FRMD4A: variants seen among roughly 807,000 people sequenced by gnomAD.
FRMD4A encodes the protein FERM domain-containing protein 4A.
FRMD4A carries 29 observed loss-of-function variants against 129.1 expected under a neutral mutation model. The ratio of observed to expected loss-of-function variants is 0.22; its 90% CI spans 0.17 to 0.31. The LOEUF (loss-of-function observed/expected upper bound fraction) is 0.31, where lower values mean the gene tolerates loss of function less well. Among genes scored for constraint, FRMD4A ranks in the 10% least tolerant of loss-of-function variants. The pLI is 1.00. For missense variants in FRMD4A, 1,272 were observed against 1,375.8 expected, an observed-to-expected ratio of 0.92 and a Z score of 1.19; for synonymous variants, 634 against 571.6, an observed-to-expected ratio of 1.11 and a Z score of -1.56.
intron 2 of FRMD4A, among the ~76,000 whole-genome samples, chr10:14,132,460 A>G (rs1051926425): frequency 1.3e-5 from 2 of 152,202 alleles, no homozygotes; most frequent in African/African-American, 2.4e-5. Flanking sequence ...CTGGGAGCAG[A>G]CAGCAAGCTG....
At chr10:14,264,411 A>G (rs12242691) in intron 2 of FRMD4A, among the ~76,000 whole-genome samples, 2,318 of 152,316 alleles carry the variant, frequency 0.015, 52 homozygotes, top group South Asian at 0.051. Flanking sequence ...AAAAACAACA[A>G]CAACAACAAA....
chr10:14,297,034 G>C (rs746357179), intron 2 of FRMD4A, among the ~76,000 whole-genome samples: 1 of 152,102 alleles, frequency 6.6e-6, no homozygotes. Flanking sequence ...AACAGAAATA[G>C]CTCACAAGAT....
At chr10:13,721,483 A>G (rs1475899483) in intron 12 of FRMD4A, among the ~76,000 whole-genome samples, 4 of 151,978 alleles carry the variant, frequency 2.6e-5, no homozygotes, top group Non-Finnish European at 5.9e-5. Context: ...CTCTGCCTCA[A>G]AAAAAAAGAA....
At chr10:13,649,806 C>T (rs563290228) in intron 24 of FRMD4A, among the ~76,000 whole-genome samples, 89 of 152,252 alleles carry the variant, frequency 5.8e-4, no homozygotes, top group Non-Finnish European at 1.0e-3. Context: ...CGAAAGAGAC[C>T]CTTAGGAAGC....
Position 14,125,755 on chromosome 10 carries a change from G to A in FRMD4A, c.45+204303C>T, listed in dbSNP as rs567097728. On this transcript the variant is annotated intron_variant, in intron 2 of 24. Coordinates refer to ENST00000357447, the MANE Select transcript of FRMD4A (RefSeq NM_018027.5). ...CACACACACACGTGCACACTCATGC[G>A]CACGCGCACACATACACGGCTCCTG... Among the ~76,000 whole-genome samples, 1,303 of 131,856 alleles carry A rather than the reference G, an allele frequency of 9.9e-3. 6 individuals are homozygous for A. The highest frequency in any genetic ancestry group is 0.019 in the Middle Eastern group (5 of 268). 86.5% of individuals were successfully genotyped at this position (131,856 alleles called of 152,430 possible). A position where few individuals can be genotyped will look rare whatever the true frequency, so the allele number is the denominator to read the frequency against.
At chr10:13,849,694 G>T (rs1231762586) in intron 3 of FRMD4A, among the ~76,000 whole-genome samples, 11 of 151,184 alleles carry the variant, frequency 7.3e-5, no homozygotes, top group Non-Finnish European at 1.3e-4. Context: ...GGTCAGGCTG[G>T]TCTCAAAGTC....
chr10:13,772,122 A>AAT (rs1588643758), intron 6 of FRMD4A, among the ~76,000 whole-genome samples: 3 of 146,120 alleles, frequency 2.1e-5, no homozygotes, highest in South Asian at 2.1e-4. Context: ...GCCTCAAAAA[A>AAT]ATATATATAT....
chr10:13,770,946 C>T (rs989423654), intron 6 of FRMD4A, among the ~76,000 whole-genome samples: 3 of 152,176 alleles, frequency 2.0e-5, no homozygotes, highest in African/African-American at 4.8e-5. Flanking sequence ...CTCCCACCTA[C>T]AGATGAGATG....
intron 2 of FRMD4A, among the ~76,000 whole-genome samples, chr10:14,263,323 C>T (rs558843313): frequency 8.0e-4 from 122 of 152,270 alleles, no homozygotes; most frequent in African/African-American, 2.8e-3. Flanking sequence ...CTTCAGCCAG[C>T]GCAGGAGGGG....
chr10:14,081,340 G>T (rs1448788192), intron 2 of FRMD4A, among the ~76,000 whole-genome samples: 2 of 152,230 alleles, frequency 1.3e-5, no homozygotes, highest in African/African-American at 4.8e-5. Context: ...TCAGGGTCTG[G>T]GTGCCTGCAA....
At chr10:14,044,700 G>C (rs973912260) in intron 2 of FRMD4A, among the ~76,000 whole-genome samples, 2 of 152,296 alleles carry the variant, frequency 1.3e-5, no homozygotes, top group Admixed American at 1.3e-4. Flanking sequence ...TTCTAGACTT[G>C]GGCACTGTGG....
intron 9 of FRMD4A, among the ~76,000 whole-genome samples, chr10:13,744,028 G>T (rs532553410): frequency 6.6e-6 from 1 of 152,146 alleles, no homozygotes; most frequent in Non-Finnish European, 1.5e-5. Context: ...TGCCCAGGTC[G>T]CTGGCTGGGT....
At chr10:13,683,213 C>T (rs1045664451) in intron 15 of FRMD4A, among the ~76,000 whole-genome samples, 3 of 152,106 alleles carry the variant, frequency 2.0e-5, no homozygotes, top group African/African-American at 4.8e-5. Flanking sequence ...TCCACGTGCA[C>T]GGTGGTGTGG....
At chr10:14,212,920 G>A (rs186985194) in intron 2 of FRMD4A, among the ~76,000 whole-genome samples, 33 of 152,296 alleles carry the variant, frequency 2.2e-4, no homozygotes, top group African/African-American at 6.5e-4. Context: ...AGTCACTTAC[G>A]GCAAACCACA....
At chr10:13,742,119 G>T (rs893777117) in intron 9 of FRMD4A, among the ~76,000 whole-genome samples, 1 of 151,998 alleles carries the variant, frequency 6.6e-6, no homozygotes, top group African/African-American at 2.4e-5. Context: ...GCCTCCCAAA[G>T]TGCTGGGATT....
chr10:13,960,686 C>T (rs1049092303), intron 2 of FRMD4A, among the ~76,000 whole-genome samples: 1 of 152,196 alleles, frequency 6.6e-6, no homozygotes, highest in Non-Finnish European at 1.5e-5. Context: ...AGCTGACTGT[C>T]TGGGATGGGT....
intron 2 of FRMD4A, among the ~76,000 whole-genome samples, chr10:13,931,449 T>C (rs2095193834): frequency 2.0e-5 from 3 of 152,146 alleles, no homozygotes. Context: ...CCAATGACCA[T>C]GGTTTCTGAT....
At chr10:13,672,866 C>G (rs1224446748) in intron 16 of FRMD4A, among the ~76,000 whole-genome samples, 1 of 152,194 alleles carries the variant, frequency 6.6e-6, no homozygotes, top group Non-Finnish European at 1.5e-5. Flanking sequence ...GTGGGACTAA[C>G]TATAGGGAAT....
intron 23 of FRMD4A, chr10:13,654,209 C>G: frequency 1.7e-6 from 1 of 597,798 alleles, no homozygotes. Context: ...TAAGAGAACA[C>G]AGACAATTCA....
Sources: allele counts gnomAD v4.1 joint callset (sites outside exome capture counted in the v4.1 genomes callset), GRCh38; gene constraint gnomAD v4.1.1; transcripts MANE v1.5; gene names NCBI Gene and HGNC (gene_info 2026-07-23, HGNC 2026-07-21).